Variants in LPIN1 observed in about 807,000 individuals in gnomAD.
The protein encoded by LPIN1 is phosphatidate phosphatase LPIN1.
LPIN1 carries 71 observed loss-of-function variants against 107.5 expected under a neutral mutation model. That is an observed-to-expected ratio of 0.66 (90% CI 0.55 to 0.80). LPIN1 has a LOEUF of 0.80. Among genes scored for constraint, LPIN1 ranks in the 30% least tolerant of loss-of-function variants. The probability of loss-of-function intolerance (pLI) is 0.00; values close to 1 mark genes in which losing one functional copy is unlikely to be tolerated. For missense variants in LPIN1, 1,043 were observed against 1,160.6 expected, an observed-to-expected ratio of 0.90 and a Z score of 1.47; for synonymous variants, 445 against 452.6, an observed-to-expected ratio of 0.98 and a Z score of 0.21.
Position 11,786,621 on chromosome 2 carries a change from C to G in LPIN1, c.1550-453C>G, listed in dbSNP as rs1442956555. Among the ~76,000 whole-genome samples, 2 of 152,110 alleles carry G rather than the reference C, an allele frequency of 1.3e-5. No homozygotes were observed. The highest frequency in any genetic ancestry group is 2.9e-5 in the Non-Finnish European group (2 of 67,968). On this transcript the variant is annotated intron_variant, in intron 10 of 20. Coordinates refer to ENST00000674199, the MANE Select transcript of LPIN1 (RefSeq NM_001349206.2). This position sits in a 1 kb window ranked among gnomAD's most constrained non-coding sequence, Gnocchi z 4.1. ...TTTACGACATTATCAGTCCCCATGACCACCCTAGGAAGCAGATGTGGTTAT... is the reference window on the plus strand; with the variant it reads ...TTTACGACATTATCAGTCCCCATGAGCACCCTAGGAAGCAGATGTGGTTAT...
At chr2:11,679,444 T>A (rs940241288) in intron 1 of LPIN1, among the ~76,000 whole-genome samples, 1 of 152,252 alleles carries the variant, frequency 6.6e-6, no homozygotes. Flanking sequence ...CATTGTAGAA[T>A]ATGTAGCATA....
intron 17 of LPIN1, chr2:11,805,635 C>G (rs1166148129): frequency 3.9e-6 from 1 of 253,574 alleles, no homozygotes; most frequent in African/African-American, 2.2e-5. Flanking sequence ...AGCAAGTGGC[C>G]CAAAACAGAA....
chr2:11,718,326 C>T (rs1663887988), intron 2 of LPIN1, among the ~76,000 whole-genome samples: 1 of 152,114 alleles, frequency 6.6e-6, no homozygotes, highest in Non-Finnish European at 1.5e-5. Context: ...CTCCTGAGTT[C>T]AAGTGATTCA....
At chr2:11,719,433 C>G (rs939287195), upstream of LPIN1, among the ~76,000 whole-genome samples, 2 of 152,226 alleles carry the variant, frequency 1.3e-5, no homozygotes, top group Non-Finnish European at 2.9e-5. Flanking sequence ...GGGCCCCTCC[C>G]TCACTGAAGC....
chr2:11,694,099 G>A (rs1662450422), intron 1 of LPIN1, among the ~76,000 whole-genome samples: 1 of 151,788 alleles, frequency 6.6e-6, no homozygotes, highest in Non-Finnish European at 1.5e-5. Flanking sequence ...CTCCCAAAGT[G>A]CTGGGATTAC....
intron 12 of LPIN1, among the ~76,000 whole-genome samples, chr2:11,789,283 GTGTGCC>G (rs1553436463): frequency 2.6e-5 from 4 of 152,198 alleles, no homozygotes; most frequent in African/African-American, 9.6e-5. Flanking sequence ...GTGTGTGTGT[GTGTGCC>G]TGTGCCTGTG....
intron 1 of LPIN1, among the ~76,000 whole-genome samples, chr2:11,757,445 T>C (rs2148594205): frequency 6.6e-6 from 1 of 152,350 alleles, no homozygotes; most frequent in Non-Finnish European, 1.5e-5. Context: ...AGCTTCTTCC[T>C]CCAGCCTTTT....
chr2:11,770,839 T>C (rs1050175326), intron 3 of LPIN1, among the ~76,000 whole-genome samples: 14 of 152,226 alleles, frequency 9.2e-5, no homozygotes, highest in African/African-American at 3.1e-4. Context: ...TGGGCCCTGG[T>C]GCAGGCAGGT....
Position 11,785,498 on chromosome 2 carries a change from T to C in LPIN1, c.1549+422T>C, listed in dbSNP as rs1031866837. Among the ~76,000 whole-genome samples, 5 of 152,116 alleles carry C rather than the reference T, an allele frequency of 3.3e-5. 1 individual carries two copies. The highest frequency in any genetic ancestry group is 3.3e-4 in the Admixed American group (5 of 15,280). ...TTCAAAGGGCGTTAATCGGGTGGGC[T>C]TAGGTGATTCATTCACAGCACCTGC... On this transcript the variant is annotated intron_variant, in intron 10 of 20. Transcript: ENST00000674199.
At chr2:11,755,119 C>A (rs1668464973) in intron 1 of LPIN1, among the ~76,000 whole-genome samples, 1 of 152,054 alleles carries the variant, frequency 6.6e-6, no homozygotes, top group African/African-American at 2.4e-5. Context: ...GCGCCCGCCA[C>A]CATGCCCGGC....
intron 2 of LPIN1, among the ~76,000 whole-genome samples, chr2:11,715,659 T>C (rs1271177314): frequency 6.6e-6 from 1 of 151,962 alleles, no homozygotes; most frequent in Non-Finnish European, 1.5e-5. Flanking sequence ...GGGTGGGGGG[T>C]TCAGAAGCAA....
rs568391686 is a variant in LPIN1 at position 11,769,038 on chromosome 2, C to T, written c.288+1180C>T. Among the ~76,000 whole-genome samples, 34 of 152,282 alleles carry T rather than the reference C, an allele frequency of 2.2e-4. No homozygotes were observed. In the East Asian group the frequency reaches 6.2e-3, roughly 28 times the overall value. ...CAACATGGCTGTGAACATTTGTATACAAGTTTTTGTGTGGACACGTGTGTT... is the reference window on the plus strand; with the variant it reads ...CAACATGGCTGTGAACATTTGTATATAAGTTTTTGTGTGGACACGTGTGTT... On this transcript the variant is annotated intron_variant, in intron 3 of 20. Coordinates refer to ENST00000674199, the MANE Select transcript of LPIN1 (RefSeq NM_001349206.2).
intron 1 of LPIN1, among the ~76,000 whole-genome samples, chr2:11,735,722 C>T (rs1232979598): frequency 1.3e-5 from 2 of 152,202 alleles, no homozygotes; most frequent in East Asian, 1.9e-4. Context: ...GCAACAGGCA[C>T]GTGCCAAAGT....
intron 20 of LPIN1, among the ~76,000 whole-genome samples, chr2:11,822,904 T>G (rs1221611357): frequency 6.6e-6 from 1 of 152,184 alleles, no homozygotes; most frequent in African/African-American, 2.4e-5. Context: ...CGCCCATGGC[T>G]TGGCCTAGGG....
At chr2:11,716,155 G>A (rs935278560) in intron 2 of LPIN1, among the ~76,000 whole-genome samples, 9 of 152,104 alleles carry the variant, frequency 5.9e-5, no homozygotes, top group East Asian at 3.9e-4. Context: ...TGGACGGTGC[G>A]GATCAGGTGT....
At chr2:11,755,783 G>A (rs1475971849) in intron 1 of LPIN1, among the ~76,000 whole-genome samples, 1 of 151,052 alleles carries the variant, frequency 6.6e-6, no homozygotes, top group South Asian at 2.1e-4. Context: ...GTTCAGTGGC[G>A]CCGTCTCGGC....
At chr2:11,751,290 T>TGG (rs77022846) in intron 1 of LPIN1, among the ~76,000 whole-genome samples, 68,938 of 151,884 alleles carry the variant, frequency 0.45, 16,516 homozygotes, top group African/African-American at 0.6. Flanking sequence ...GTTTCAGTGA[T>TGG]GGAGACCCTG....
upstream of LPIN1, among the ~76,000 whole-genome samples, chr2:11,723,220 G>A (rs1664281269): frequency 6.6e-6 from 1 of 152,220 alleles, no homozygotes; most frequent in South Asian, 2.1e-4. Flanking sequence ...CCCAAAGAGT[G>A]AGATGACCCA....
rs372929623 is a variant in LPIN1, at chr2:11,782,427, C to T, written c.1184C>T (p.Pro395Leu). ...TTAGGAGCAGCAGCGCCACTCTTGC[C>T]CATGATCGAGGAGCTCAAACCCCCC... Reference protein sequence around the residue: ...ETLGAAAPLLPMIEELKPPSA... With the variant: ...ETLGAAAPLLLMIEELKPPSA... The change falls in exon 8 of 21, where the codon CCC becomes CTC. Residue 395 changes from proline (P) to leucine (L), a missense_variant. Transcript: ENST00000674199. 3 of 1,614,024 alleles carry T rather than the reference C, an allele frequency of 1.9e-6. No individual in the cohort carries two copies. The African/African-American group carries it at 4.0e-5, about 22-fold the overall frequency.
Sources: allele counts gnomAD v4.1 joint callset (sites outside exome capture counted in the v4.1 genomes callset), GRCh38; gene constraint gnomAD v4.1.1; non-coding constraint Gnocchi (gnomAD v3.1); transcripts MANE v1.5; gene names NCBI Gene and HGNC (gene_info 2026-07-23, HGNC 2026-07-21).